The following PWWP2A variants were observed in gnomAD, a reference collection of about 807,000 sequenced individuals.
PWWP2A encodes PWWP domain containing 2A.
In PWWP2A, 18 loss-of-function variants were observed where a neutral mutation model predicts 48.5. That is an observed-to-expected ratio of 0.37 (90% CI 0.26 to 0.55). PWWP2A has a LOEUF of 0.55. Among genes scored for constraint, PWWP2A ranks in the 20% least tolerant of loss-of-function variants. The pLI is 0.81. For synonymous variants in PWWP2A, 396 were observed against 387.7 expected (o/e 1.02, Z -0.25); for missense variants, 867 against 976.4 (o/e 0.89, Z 1.49).
At chr5:160,089,649 A>C, downstream of PWWP2A, 1 of 1,286,106 alleles carries the variant, frequency 7.8e-7, no homozygotes, top group Non-Finnish European at 1.0e-6. Context: ...GATGCTTTAC[A>C]TTTCTGAGAA....
At chr5:160,056,576 T>C in the PWWP2A span, among the ~76,000 whole-genome samples, 21 of 152,012 alleles carry the variant, frequency 1.4e-4, no homozygotes. Context: ...AATAAAAAAT[T>C]AGCCCGGCAT....
intron 1 of PWWP2A, among the ~76,000 whole-genome samples, chr5:160,109,350 C>CA (rs113030645): frequency 0.061 from 8,300 of 135,058 alleles, 294 homozygotes; most frequent in Admixed American, 0.13. Context: ...TCCCCTGCTC[C>CA]AAAAAAAAAA....
At chr5:160,071,383 C>A (rs1177413331), downstream of PWWP2A, among the ~76,000 whole-genome samples, 1 of 152,110 alleles carries the variant, frequency 6.6e-6, no homozygotes, top group Non-Finnish European at 1.5e-5. Flanking sequence ...GAGAAGCTGG[C>A]GGCAGGCGGC....
At chr5:160,099,619 C>T (rs562670847) in intron 1 of PWWP2A, among the ~76,000 whole-genome samples, 4 of 151,938 alleles carry the variant, frequency 2.6e-5, no homozygotes, top group African/African-American at 9.7e-5. Flanking sequence ...CCACAGTCGG[C>T]CCCAAAATTC....
At chr5:160,056,747 A>G in the PWWP2A span, among the ~76,000 whole-genome samples, 10 of 152,208 alleles carry the variant, frequency 6.6e-5, no homozygotes, top group South Asian at 4.1e-4. Flanking sequence ...TATATATATC[A>G]TCTTGTATGA....
At chr5:160,109,298 G>A (rs73313111) in intron 1 of PWWP2A, among the ~76,000 whole-genome samples, 1,943 of 151,004 alleles carry the variant, frequency 0.013, 48 homozygotes, top group African/African-American at 0.045. Context: ...AAGCATTTTC[G>A]AGCATAAACC....
intron 1 of PWWP2A, among the ~76,000 whole-genome samples, chr5:160,097,383 A>T (rs1334621976): frequency 6.9e-6 from 1 of 144,386 alleles, no homozygotes; most frequent in Non-Finnish European, 1.5e-5. Flanking sequence ...ACAGTGGCTC[A>T]CGCCTGTAAT....
In PWWP2A at chr5:160,093,858, A is replaced by G. The variant is rs768371455; in HGVS notation, c.792T>C (p.Pro264=). The part of the protein sequence containing the change: ...AESLWTSKPP[P]LFHEGAPYPP... ...GATAAGGTGCTCCTTCATGGAAGAG[A>G]GGTGGTGGTTTGGAAGTCCACAGGC... Residue 264 remains proline (P), a synonymous_variant, in exon 2 of 2, where the codon CCT becomes CCC. Transcript: ENST00000307063. The surrounding 1 kb of genome is among the most constrained non-coding windows in gnomAD (Gnocchi z 5.8). 1.9e-6 allele frequency: 3 copies of G among 1,613,972 alleles called. No individual in the cohort carries two copies. Among genetic ancestry groups the G allele is most frequent in the Non-Finnish European group, 2.5e-6 (3 of 1,179,892 alleles).
downstream of PWWP2A, among the ~76,000 whole-genome samples, chr5:160,073,022 A>T: frequency 6.6e-6 from 1 of 151,066 alleles, no homozygotes; most frequent in Admixed American, 6.6e-5. Flanking sequence ...AAAAAAAAAA[A>T]AAAAAAAAAA....
chr5:160,085,748 G>A (rs981477347), intron 2 of PWWP2A, among the ~76,000 whole-genome samples: 5 of 151,276 alleles, frequency 3.3e-5, no homozygotes, highest in South Asian at 2.1e-4. Context: ...CTCATGATCC[G>A]CCCGCCTTGG....
intron 2 of PWWP2A, among the ~76,000 whole-genome samples, chr5:160,069,617 A>G (rs1277231431): frequency 6.6e-6 from 1 of 152,154 alleles, no homozygotes; most frequent in Non-Finnish European, 1.5e-5. Context: ...TAATCCCAAC[A>G]CTTTGGGAGG....
chr5:160,067,946 C>T (rs547574801), intron 2 of PWWP2A, among the ~76,000 whole-genome samples: 57 of 152,302 alleles, frequency 3.7e-4, no homozygotes, highest in Non-Finnish European at 7.6e-4. Context: ...TTCGGGAGGC[C>T]GAGGTGGGCG....
intron 1 of PWWP2A, among the ~76,000 whole-genome samples, chr5:160,109,757 GAAAAA>G (rs755988668): frequency 0.018 from 965 of 53,166 alleles, 12 homozygotes; most frequent in African/African-American, 0.029. Context: ...ATGCAACTGG[GAAAAA>G]AAAAAAAAAA....
At chr5:160,045,524 T>A in the PWWP2A span, among the ~76,000 whole-genome samples, 250 of 106,358 alleles carry the variant, frequency 2.4e-3, no homozygotes, top group Non-Finnish European at 2.5e-3. Context: ...ATACACACTC[T>A]CTCTCTCTCT....
chr5:160,051,212 A>C, the PWWP2A span: 1 of 1,586,570 alleles, frequency 6.3e-7, no homozygotes, highest in Non-Finnish European at 8.6e-7. Context: ...TTGCTTGATC[A>C]TAAACAGCTA....
At position 160,111,249 on chromosome 5, in the gene PWWP2A, C is replaced by G. The variant is rs144694342; in HGVS notation, c.584+7556G>C. On this transcript the variant is annotated intron_variant, in intron 1 of 1. Coordinates refer to ENST00000307063, the MANE Select transcript of PWWP2A (RefSeq NM_001130864.2). Reference sequence around the variant, plus strand: ...ATAGCATGATCTCAGCTCACTGCAACCTCTAACTCCCGGGTTCAAGCGATT... The same window carrying G: ...ATAGCATGATCTCAGCTCACTGCAAGCTCTAACTCCCGGGTTCAAGCGATT... Among the ~76,000 whole-genome samples, 1,367 of 152,144 alleles carry G rather than the reference C, an allele frequency of 9.0e-3. 19 individuals are homozygous for G. The highest frequency in any genetic ancestry group is 0.031 in the African/African-American group (1,299 of 41,506).
chr5:160,119,099 A>G lies in PWWP2A; in HGVS notation c.290T>C (p.Val97Ala). 6.3e-7 allele frequency: 1 copy of G among 1,588,436 alleles called. No homozygotes were observed. The highest frequency in any genetic ancestry group is 1.4e-5 in the African/African-American group (1 of 72,688). ...GGCTGCCGCCGACTCCGCCACCCGA[A>G]CGGACAGTTTCTCCTCAGCCTCCAG... ...PELEAEEKLS[V>A]RVAESAAAAP... The change falls in exon 1 of 2, where the codon GTT becomes GCT. Residue 97 changes from valine (V) to alanine (A), a missense_variant. Val to Ala is a moderately conservative substitution (Grantham distance 64). Coordinates refer to ENST00000307063, the MANE Select transcript of PWWP2A (RefSeq NM_001130864.2).
intron 2 of PWWP2A, among the ~76,000 whole-genome samples, chr5:160,068,168 A>G (rs995139124): frequency 6.6e-6 from 1 of 152,100 alleles, no homozygotes; most frequent in African/African-American, 2.4e-5. Flanking sequence ...GTGACAGAGC[A>G]AGCCTCCATC....
At chr5:160,114,706 T>C (rs1757926520) in intron 1 of PWWP2A, among the ~76,000 whole-genome samples, 2 of 142,966 alleles carry the variant, frequency 1.4e-5, no homozygotes, top group East Asian at 4.1e-4. Flanking sequence ...GAGGTTGCAG[T>C]GAGCCGAGAT....
Sources: allele counts gnomAD v4.1 joint callset (sites outside exome capture counted in the v4.1 genomes callset), GRCh38; gene constraint gnomAD v4.1.1; non-coding constraint Gnocchi (gnomAD v3.1); transcripts MANE v1.5; gene names NCBI Gene and HGNC (gene_info 2026-07-23, HGNC 2026-07-21).